Variants in CELF2 observed in about 807,000 individuals in gnomAD.
CELF2 encodes CUGBP Elav-like family member 2.
A neutral mutation model predicts 62.6 loss-of-function variants in CELF2; 8 were observed. The ratio of observed to expected loss-of-function variants is 0.13; its 90% CI spans 0.07 to 0.23. CELF2 has a LOEUF of 0.23. Ranked by LOEUF, CELF2 falls within the 10% of genes least tolerant of loss-of-function variation. The pLI is 1.00. For missense variants in CELF2, 333 were observed against 671.0 expected (o/e 0.50, Z 5.56); for synonymous variants, 258 against 250.0 (o/e 1.03, Z -0.30).
At chr10:10,618,430 T>C in the CELF2 span, among the ~76,000 whole-genome samples, 3 of 152,050 alleles carry the variant, frequency 2.0e-5, no homozygotes, top group African/African-American at 7.3e-5. Flanking sequence ...AGTATGAAAT[T>C]TTTCTGATGA....
At chr10:10,927,365 A>C (rs1043674768) in intron 2 of CELF2, 1 of 151,184 alleles carries the variant, frequency 6.6e-6, no homozygotes, top group Non-Finnish European at 1.5e-5. Context: ...AAAAAAAAAA[A>C]ACACCTTTTT....
At chr10:10,847,611 A>G (rs149110125) in intron 1 of CELF2, among the ~76,000 whole-genome samples, 127 of 152,344 alleles carry the variant, frequency 8.3e-4, no homozygotes, top group Middle Eastern at 3.4e-3. Flanking sequence ...TCATTGCAGA[A>G]TGACTTTCAA....
chr10:10,846,903 T>C (rs1269983262), intron 1 of CELF2, among the ~76,000 whole-genome samples: 1 of 152,220 alleles, frequency 6.6e-6, no homozygotes, highest in East Asian at 1.9e-4. Context: ...TTCCATGTGA[T>C]TGCAGGTTTT....
In CELF2 at chr10:11,217,525, T is replaced by G; in HGVS notation, c.354+18T>G. ...TACCTGGGGTGAGTCGGTTTACTTT[T>G]GTACCAGAATCACTTTATTGCTTGA... On this transcript the variant is annotated intron_variant, in intron 3 of 12. Transcript: ENST00000633077. The surrounding 1 kb of genome is among the most constrained non-coding windows in gnomAD (Gnocchi z 5.6). 1 of 1,556,692 alleles carries G rather than the reference T, an allele frequency of 6.4e-7. No individual in the cohort carries two copies. The highest frequency in any genetic ancestry group is 8.8e-7 in the Non-Finnish European group (1 of 1,131,742).
At chr10:10,496,262 T>C in the CELF2 span, among the ~76,000 whole-genome samples, 3 of 152,220 alleles carry the variant, frequency 2.0e-5, no homozygotes, top group Non-Finnish European at 4.4e-5. Flanking sequence ...CGGTAATTAC[T>C]GTTGAAAGAC....
intron 1 of CELF2, among the ~76,000 whole-genome samples, chr10:11,093,737 A>G (rs1010429195): frequency 7.9e-5 from 12 of 152,190 alleles, no homozygotes; most frequent in Non-Finnish European, 1.3e-4. Flanking sequence ...CAGCCAGTCA[A>G]TTCCGTTAAC....
chr10:11,306,143 C>A lies in CELF2; in HGVS notation c.977-7996C>A, dbSNP rs2094191224. On this transcript the variant is annotated intron_variant, in intron 9 of 12. Transcript: ENST00000633077. The surrounding 1 kb of genome is among the most constrained non-coding windows in gnomAD (Gnocchi z 4.4). ...CACTGTGCGAGCAAGGTGAGGTGCA[C>A]TTTGCAGCCTCCGTCTGGGATCCTC... Among the ~76,000 whole-genome samples the A allele has an allele frequency of 6.6e-6, 1 of 152,120 alleles. No individual in the cohort carries two copies. The highest frequency in any genetic ancestry group is 1.5e-5 in the Non-Finnish European group (1 of 68,026).
rs2060642306 is a variant in CELF2, at chr10:11,207,253, G to A, written c.272-10172G>A. Among the ~76,000 whole-genome samples, 1 of 152,168 alleles carries A rather than the reference G, an allele frequency of 6.6e-6. No homozygotes were observed. On this transcript the variant is annotated intron_variant, in intron 2 of 12. Transcript: ENST00000633077. The surrounding 1 kb of genome is among the most constrained non-coding windows in gnomAD (Gnocchi z 4.1). The stretch of plus-strand genomic sequence containing the variant: ...CAGTCGATTTAATCTAGGTCAAAAG[G>A]AAAGAAAGAAACTCCATTTTCCTCG...
intron 2 of CELF2, among the ~76,000 whole-genome samples, chr10:10,940,328 G>A (rs74115468): frequency 0.088 from 13,338 of 152,184 alleles, 651 homozygotes; most frequent in East Asian, 0.19. Context: ...GTTCTGGGCA[G>A]TTCATAGGTC....
rs1330048152 is a variant in CELF2, at chr10:11,202,933, CTCTCTCTCTCTCTCTCTCTGTGTG to C, written c.272-14490_272-14467del. ...TCTCTCTCTCTCTCTCTCTCTCTCT[CTCTCTCTCTCTCTCTCTCTGTGTG>C]TGTGTGTGTGTGTGTAATCCAAACA... On this transcript the variant is annotated intron_variant, in intron 2 of 12. Transcript: ENST00000633077. Among the ~76,000 whole-genome samples, 75 of 85,888 alleles carry C rather than the reference CTCTCTCTCTCTCTCTCTCTGTGTG, an allele frequency of 8.7e-4. 2 individuals carry two copies. Among genetic ancestry groups the C allele is most frequent in the African/African-American group, 3.3e-3 (72 of 21,850 alleles). The allele number at this position is 85,888 out of a possible 152,430, so 56.3% of individuals were successfully genotyped here. A position where few individuals can be genotyped will look rare whatever the true frequency, so the allele number is the denominator to read the frequency against.
At chr10:10,697,291 C>T in the CELF2 span, among the ~76,000 whole-genome samples, 2 of 152,032 alleles carry the variant, frequency 1.3e-5, no homozygotes, top group Non-Finnish European at 1.5e-5. Context: ...ATGGGACAGA[C>T]GAATGGAGAA....
At chr10:10,649,328 T>G in the CELF2 span, among the ~76,000 whole-genome samples, 3 of 152,172 alleles carry the variant, frequency 2.0e-5, no homozygotes, top group Non-Finnish European at 4.4e-5. Flanking sequence ...GAAATTGTAA[T>G]TAGATAGCGG....
At chr10:11,256,040 T>C (rs2078643148) in intron 4 of CELF2, among the ~76,000 whole-genome samples, 1 of 152,150 alleles carries the variant, frequency 6.6e-6, no homozygotes, top group Admixed American at 6.5e-5. Flanking sequence ...TGGGAAATCT[T>C]TTGGAGACAG....
At chr10:11,041,915 T>A (rs10905890) in intron 1 of CELF2, among the ~76,000 whole-genome samples, 34,880 of 152,148 alleles carry the variant, frequency 0.23, 4,246 homozygotes, top group Middle Eastern at 0.29. Flanking sequence ...CTTTCTAGAT[T>A]ACTGTGATTA....
In CELF2 at chr10:10,931,490, A is replaced by G. The variant is rs1245714513; in HGVS notation, c.89+11491A>G. ...CTCTATTTACCACCACAGTTATAGC[A>G]TTTGAGACCCTCCCTCACCCAGATC... On this transcript the variant is annotated intron_variant, in intron 2 of 13. Coordinates refer to the CELF2 transcript ENST00000636488. This position sits in a 1 kb window ranked among gnomAD's most constrained non-coding sequence, Gnocchi z 6.1. 1.3e-5 allele frequency among the ~76,000 whole-genome samples: 2 copies of G among 152,148 alleles called. No homozygotes were observed. Among genetic ancestry groups the G allele is most frequent in the East Asian group, 3.8e-4 (2 of 5,198 alleles).
At chr10:11,136,989 CT>C (rs1005233039) in intron 1 of CELF2, among the ~76,000 whole-genome samples, 7 of 152,064 alleles carry the variant, frequency 4.6e-5, no homozygotes, top group South Asian at 4.1e-4. Context: ...TTAAAATAAG[CT>C]TTTTTTCTTT....
chr10:10,562,449 G>T, the CELF2 span, among the ~76,000 whole-genome samples: 1 of 152,146 alleles, frequency 6.6e-6, no homozygotes, highest in Non-Finnish European at 1.5e-5. Context: ...TCATTCTTCA[G>T]CATATGTGCT....
At chr10:10,968,376 C>T (rs753552961) in intron 2 of CELF2, among the ~76,000 whole-genome samples, 5 of 152,150 alleles carry the variant, frequency 3.3e-5, no homozygotes, top group Admixed American at 6.5e-5. Flanking sequence ...TACCAGCTGC[C>T]ACCTAGCAAT....
intron 9 of CELF2, among the ~76,000 whole-genome samples, chr10:11,304,357 C>T (rs977957825): frequency 1.4e-4 from 21 of 152,214 alleles, no homozygotes; most frequent in African/African-American, 4.8e-4. Flanking sequence ...AATAACCTCC[C>T]CCATCTCAAG....
Sources: gnomAD v4.1 joint callset for allele counts (sites outside exome capture counted in the v4.1 genomes callset) on GRCh38, gnomAD v4.1.1 for gene constraint, Gnocchi (gnomAD v3.1) non-coding constraint, MANE v1.5 for transcripts, NCBI Gene and HGNC (gene_info 2026-07-23, HGNC 2026-07-21) for gene names.